Variants in FRMPD4 observed in about 807,000 individuals in gnomAD.
FRMPD4 encodes FERM and PDZ domain containing 4, also known as FERM and PDZ domain-containing protein 4.
Under a neutral mutation model 94.1 loss-of-function variants are expected in FRMPD4, and 22 were observed. The observed-to-expected ratio is 0.23, with a 90% CI of 0.17 to 0.33. The LOEUF is 0.33. Among genes scored for constraint, FRMPD4 ranks in the 10% least tolerant of loss-of-function variants. The pLI is 1.00. For missense variants in FRMPD4, 1,111 were observed against 1,339.9 expected (o/e 0.83, Z 2.67); for synonymous variants, 631 against 548.6 (o/e 1.15, Z -2.10).
At chrX:12,195,329 C>T (rs746289680) in intron 1 of FRMPD4, among the ~76,000 whole-genome samples, 11 of 111,583 alleles carry the variant, frequency 9.9e-5, no homozygotes, top group Admixed American at 1.9e-4. Context: ...TGGGACTCAG[C>T]ATACAATGGT....
chrX:12,475,236 G>C (rs745611039), intron 1 of FRMPD4, among the ~76,000 whole-genome samples: 7 of 112,149 alleles, frequency 6.2e-5, no homozygotes, highest in African/African-American at 1.9e-4. Context: ...AATAGATGCA[G>C]AAAAGGCCTT....
chrX:12,479,381 C>CATATATATATAT, intron 1 of FRMPD4, among the ~76,000 whole-genome samples: 1 of 99,137 alleles, frequency 1.0e-5, no homozygotes, highest in Non-Finnish European at 2.0e-5. Flanking sequence ...TACATATATA[C>CATATATATATAT]ACATATATAT....
chrX:11,900,325 C>CGG (rs1381049315), intron 3 of FRMPD4, among the ~76,000 whole-genome samples: 1 of 110,717 alleles, frequency 9.0e-6, no homozygotes, highest in African/African-American at 3.3e-5. Flanking sequence ...AAATGGGAAG[C>CGG]GGGGGCTTCA....
intron 3 of FRMPD4, among the ~76,000 whole-genome samples, chrX:12,014,705 C>CTG (rs199853667): frequency 3.6e-5 from 4 of 110,410 alleles, no homozygotes; most frequent in East Asian, 2.8e-4. Context: ...GAGTGTGTGT[C>CTG]TGTGTGTGTG....
chrX:12,561,063 C>T (rs995659123), intron 2 of FRMPD4, among the ~76,000 whole-genome samples: 9 of 110,417 alleles, frequency 8.2e-5, no homozygotes, highest in Admixed American at 5.8e-4. Flanking sequence ...GCCACCGCGC[C>T]CGGCCCCCTC....
intron 1 of FRMPD4, among the ~76,000 whole-genome samples, chrX:12,415,328 T>C (rs2056786206): frequency 9.0e-6 from 1 of 111,569 alleles, no homozygotes; most frequent in Non-Finnish European, 1.9e-5. Context: ...GGGCAATATA[T>C]GTTGTTTTCA....
intron 9 of FRMPD4, among the ~76,000 whole-genome samples, chrX:12,696,586 C>CAAAAAAAAAAAAAAAAAAAAAACA (rs57877846): frequency 3.3e-5 from 1 of 30,060 alleles, no homozygotes; most frequent in Non-Finnish European, 6.6e-5. Context: ...AAAAATGAAG[C>CAAAAAAAAAAAAAAAAAAAAAACA]AAAAAAAAAA....
At chrX:12,459,828 GGATCGTAT>G in intron 1 of FRMPD4, among the ~76,000 whole-genome samples, 1 of 111,662 alleles carries the variant, frequency 9.0e-6, no homozygotes. Context: ...TCATACTGCT[GGATCGTAT>G]GATAAATATA....
intron 3 of FRMPD4, among the ~76,000 whole-genome samples, chrX:12,060,977 A>T (rs1478511678): frequency 8.9e-6 from 1 of 112,082 alleles, no homozygotes; most frequent in Non-Finnish European, 1.9e-5. Context: ...ACTACAGGGG[A>T]GGAAAAAGTA....
intron 4 of FRMPD4, among the ~76,000 whole-genome samples, chrX:12,619,437 C>T (rs934871623): frequency 8.9e-6 from 1 of 111,951 alleles, no homozygotes; most frequent in Non-Finnish European, 1.9e-5. Flanking sequence ...CACCTATGGA[C>T]AAAAGTGGCT....
intron 1 of FRMPD4, among the ~76,000 whole-genome samples, chrX:11,843,592 C>G (rs1233186352): frequency 5.4e-5 from 6 of 110,173 alleles, no homozygotes; most frequent in African/African-American, 1.7e-4. Context: ...TTCTTTTGCT[C>G]TGTCACTCAG....
At chrX:11,850,717 A>G (rs2053616449) in intron 1 of FRMPD4, among the ~76,000 whole-genome samples, 1 of 112,466 alleles carries the variant, frequency 8.9e-6, no homozygotes, top group African/African-American at 3.2e-5. Context: ...AAAGACAAGT[A>G]TTGTATGATT....
chrX:12,175,394 T>C, intron 1 of FRMPD4, among the ~76,000 whole-genome samples: 1 of 112,276 alleles, frequency 8.9e-6, no homozygotes, highest in South Asian at 3.7e-4. Flanking sequence ...TGACATTCAT[T>C]AAATGCCCTG....
intron 3 of FRMPD4, among the ~76,000 whole-genome samples, chrX:12,113,153 C>G (rs145140275): frequency 3.7e-3 from 410 of 111,690 alleles, no homozygotes; most frequent in African/African-American, 0.012. Flanking sequence ...GGGAGGACCT[C>G]CCTGAAAATT....
intron 3 of FRMPD4, among the ~76,000 whole-genome samples, chrX:12,081,480 G>A (rs1166940505): frequency 9.0e-6 from 1 of 110,808 alleles, no homozygotes; most frequent in Non-Finnish European, 1.9e-5. Flanking sequence ...CCATGACTTT[G>A]ACCATAGAGT....
chrX:12,273,654 A>G (rs977196367), intron 1 of FRMPD4, among the ~76,000 whole-genome samples: 1 of 111,999 alleles, frequency 8.9e-6, no homozygotes, highest in African/African-American at 3.2e-5. Flanking sequence ...TAGTAGAAGC[A>G]CACTAGAATA....
intron 1 of FRMPD4, among the ~76,000 whole-genome samples, chrX:11,854,321 A>G (rs1302629755): frequency 9.0e-6 from 1 of 111,690 alleles, no homozygotes; most frequent in Non-Finnish European, 1.9e-5. Context: ...GCCAAACCAT[A>G]ACATTCTGCC....
intron 3 of FRMPD4, among the ~76,000 whole-genome samples, chrX:11,910,682 C>G (rs1292225119): frequency 8.9e-6 from 1 of 111,834 alleles, no homozygotes; most frequent in Non-Finnish European, 1.9e-5. Flanking sequence ...TCCCAAAGTG[C>G]TAGGATTACA....
chrX:12,462,347 A>G (rs2057399703), intron 1 of FRMPD4, among the ~76,000 whole-genome samples: 1 of 112,385 alleles, frequency 8.9e-6, no homozygotes. Context: ...CTGACCGTCA[A>G]ATTTGAACCA....
Sources: gnomAD v4.1 joint callset for allele counts (sites outside exome capture counted in the v4.1 genomes callset) on GRCh38, gnomAD v4.1.1 for gene constraint, MANE v1.5 for transcripts, NCBI Gene and HGNC (gene_info 2026-07-23, HGNC 2026-07-21) for gene names.